The following PHACTR3 variants were observed in gnomAD, a reference collection of about 807,000 sequenced individuals.
PHACTR3 encodes phosphatase and actin regulator 3, also known as protein phosphatase 1, regulatory subunit 123.
PHACTR3 carries 16 observed loss-of-function variants against 66.8 expected under a neutral mutation model. That is an observed-to-expected ratio of 0.24 (90% CI 0.16 to 0.36). PHACTR3 has a LOEUF of 0.36. Among genes scored for constraint, PHACTR3 ranks in the 10% least tolerant of loss-of-function variants. PHACTR3 has a pLI of 1.00. For missense variants in PHACTR3, 647 were observed against 719.9 expected (o/e 0.90, Z 1.16); for synonymous variants, 323 against 292.1 (o/e 1.11, Z -1.08).
chr20:59,730,328 G>A (rs753271651), intron 1 of PHACTR3, among the ~76,000 whole-genome samples: 9 of 152,308 alleles, frequency 5.9e-5, no homozygotes, highest in Non-Finnish European at 1.2e-4. Flanking sequence ...AGAGGGAATG[G>A]CACAGAAGGC....
chr20:59,604,510 T>G, upstream of PHACTR3: 1 of 590,398 alleles, frequency 1.7e-6, no homozygotes, highest in Non-Finnish European at 2.1e-6. Context: ...ATCCTAATGT[T>G]TTCCAACAGA....
intron 4 of PHACTR3, among the ~76,000 whole-genome samples, chr20:59,757,590 C>G (rs895323655): frequency 1.3e-5 from 2 of 152,078 alleles, no homozygotes; most frequent in African/African-American, 4.8e-5. Context: ...GCCTCTGCCC[C>G]CTGGTAGCAC....
intron 1 of PHACTR3, among the ~76,000 whole-genome samples, chr20:59,704,605 G>A (rs1056151770): frequency 3.8e-5 from 5 of 131,764 alleles, no homozygotes; most frequent in Admixed American, 8.4e-5. Flanking sequence ...GGAAATGCAC[G>A]TCTTATAGTA....
At chr20:59,846,996 C>CATATGGGACTTCTGAGAATCTTTTT (rs1210555300) in intron 12 of PHACTR3, 119 bp from the exon 13 acceptor site, 1 of 670,646 alleles carries the variant, frequency 1.5e-6, no homozygotes, top group East Asian at 2.6e-5. Flanking sequence ...TCATGTTTTA[C>CATATGGGACTTCTGAGAATCTTTTT]ATATGGGACT....
chr20:59,678,077 T>C (rs1357439695), intron 1 of PHACTR3, among the ~76,000 whole-genome samples: 1 of 152,204 alleles, frequency 6.6e-6, no homozygotes, highest in African/African-American at 2.4e-5. Context: ...CCATACATTT[T>C]CTTCTGTTCC....
chr20:59,677,319 G>A (rs2036483454), intron 1 of PHACTR3, among the ~76,000 whole-genome samples: 2 of 152,144 alleles, frequency 1.3e-5, no homozygotes, highest in Non-Finnish European at 2.9e-5. Context: ...TTGTCCTTCC[G>A]GGATCTCCAC....
chr20:59,627,688 G>T (rs1289778416), intron 1 of PHACTR3, among the ~76,000 whole-genome samples: 1 of 152,184 alleles, frequency 6.6e-6, no homozygotes, highest in East Asian at 1.9e-4. Flanking sequence ...ACCTGCATCT[G>T]TGATTCAGTT....
At chr20:59,676,503 A>G (rs2036452963) in intron 1 of PHACTR3, among the ~76,000 whole-genome samples, 2 of 152,102 alleles carry the variant, frequency 1.3e-5, no homozygotes, top group Admixed American at 6.6e-5. Flanking sequence ...ATATTTAAAA[A>G]TGTTGACAGA....
Position 59,831,642 on chromosome 20 carries a change from G to A in PHACTR3, c.1329-4863G>A, listed in dbSNP as rs536887806. Among the ~76,000 whole-genome samples the A allele has an allele frequency of 1.6e-3, 240 of 152,238 alleles. 1 individual carries two copies. Among genetic ancestry groups the A allele is most frequent in the African/African-American group, 5.0e-3 (206 of 41,556 alleles). ...CCCACCTACCCCGCCCCACCCCTCT[G>A]CAGGGCCTTCTGCAGCTTCCAAAGC... On this transcript the variant is annotated intron_variant, in intron 8 of 12. Coordinates refer to ENST00000371015, the MANE Select transcript of PHACTR3 (RefSeq NM_080672.5).
chr20:59,644,928 T>A (rs1031666299), intron 1 of PHACTR3, among the ~76,000 whole-genome samples: 9 of 152,182 alleles, frequency 5.9e-5, no homozygotes, highest in Admixed American at 2.6e-4. Flanking sequence ...CATCGCCTGA[T>A]GCTGAGGCTG....
At chr20:59,732,723 C>T (rs1450410980) in intron 1 of PHACTR3, among the ~76,000 whole-genome samples, 1 of 152,146 alleles carries the variant, frequency 6.6e-6, no homozygotes, top group African/African-American at 2.4e-5. Flanking sequence ...TTGTTAAAAA[C>T]CATTGCCCTG....
chr20:59,623,108 GT>G (rs949485789), intron 1 of PHACTR3, among the ~76,000 whole-genome samples: 1 of 150,026 alleles, frequency 6.7e-6, no homozygotes. Flanking sequence ...GAAAATAAAT[GT>G]TTTTTTGTGG....
chr20:59,643,953 G>A (rs2035192147), intron 1 of PHACTR3, among the ~76,000 whole-genome samples: 1 of 152,180 alleles, frequency 6.6e-6, no homozygotes, highest in African/African-American at 2.4e-5. Context: ...TACTGACTGT[G>A]TTTGAGGAAG....
rs2040455700 is a variant in PHACTR3 at position 59,774,384 on chromosome 20, T to C, written c.1068T>C (p.Ala356=). Reference sequence around the variant, plus strand: ...CATTGGAGAACAAGCGAACTGCCGCTAAGGAATCTGAGGAGAACAAGGAGA... The same window carrying C: ...CATTGGAGAACAAGCGAACTGCCGCCAAGGAATCTGAGGAGAACAAGGAGA... ...DGALENKRTA[A]KESEENKENL... Residue 356 remains alanine, a synonymous_variant, in exon 7 of 13, where the codon GCT becomes GCC. Transcript: ENST00000371015. 1 of 1,614,162 alleles carries C rather than the reference T, an allele frequency of 6.2e-7. No homozygotes were observed. Among genetic ancestry groups the C allele is most frequent in the African/African-American group, 1.3e-5 (1 of 75,042 alleles).
At chr20:59,702,882 G>A (rs1264861214) in intron 1 of PHACTR3, among the ~76,000 whole-genome samples, 2 of 152,216 alleles carry the variant, frequency 1.3e-5, no homozygotes, top group African/African-American at 2.4e-5. Flanking sequence ...GGATCATAGT[G>A]TGTGTTCTTG....
chr20:59,690,959 C>G (rs1433823806), intron 1 of PHACTR3, among the ~76,000 whole-genome samples: 2 of 152,120 alleles, frequency 1.3e-5, no homozygotes, highest in East Asian at 1.9e-4. Flanking sequence ...GACAACATCC[C>G]AATATACAGG....
chr20:59,648,838 G>A (rs577259486), intron 1 of PHACTR3, among the ~76,000 whole-genome samples: 6 of 152,298 alleles, frequency 3.9e-5, no homozygotes, highest in Admixed American at 2.0e-4. Context: ...AAACCACCTC[G>A]GAGTAGCCAC....
intron 2 of PHACTR3, 123 bp from the exon 3 acceptor site, chr20:59,747,635 C>G (rs770750364): frequency 1.1e-5 from 12 of 1,128,024 alleles, no homozygotes; most frequent in Non-Finnish European, 1.4e-5. Context: ...CCCCCTAACC[C>G]CGAGGCGCCT....
intron 1 of PHACTR3, among the ~76,000 whole-genome samples, chr20:59,671,708 G>A (rs2036200608): frequency 6.6e-6 from 1 of 152,216 alleles, no homozygotes; most frequent in Admixed American, 6.5e-5. Flanking sequence ...TGTCTCCGGG[G>A]CCTGCACCAT....
Sources: allele counts gnomAD v4.1 joint callset (sites outside exome capture counted in the v4.1 genomes callset), GRCh38; gene constraint gnomAD v4.1.1; transcripts MANE v1.5; gene names NCBI Gene and HGNC (gene_info 2026-07-23, HGNC 2026-07-21).